Variants in DOC2A observed in about 807,000 individuals in gnomAD.
DOC2A encodes the protein double C2-like domain-containing protein alpha.
In DOC2A, 28 loss-of-function variants were observed where a neutral mutation model predicts 40.6. The ratio of observed to expected loss-of-function variants is 0.69; its 90% CI spans 0.51 to 0.95. The LOEUF (loss-of-function observed/expected upper bound fraction) is 0.95, where lower values mean the gene tolerates loss of function less well. DOC2A is among the 40% of genes least tolerant of loss of function. The pLI, the probability that DOC2A is intolerant of heterozygous loss-of-function variation, is 0.00. For synonymous variants in DOC2A, 241 were observed against 236.9 expected (o/e 1.02, Z -0.16); for missense variants, 474 against 552.5 (o/e 0.86, Z 1.42).
upstream of DOC2A, chr16:30,011,260 G>A: frequency 1.1e-6 from 1 of 940,050 alleles, no homozygotes; most frequent in Non-Finnish European, 1.3e-6. Context: ...ACCCCCGCGC[G>A]CACACGCCCG....
rs1304213718 is a variant in DOC2A at position 30,006,617 on chromosome 16, A to T, written c.939T>A (p.Thr313=). The T allele has an allele frequency of 6.2e-7, 1 of 1,613,192 alleles. No homozygotes were observed. Among genetic ancestry groups the T allele is most frequent in the African/African-American group, 1.3e-5 (1 of 74,564 alleles). ...GTACCTCGTTAAATTCTGGGTTGAG[A>T]GTCTTCTTCTTCACACACGTCTTAT... ...SKHKTCVKKK[T]LNPEFNEEFF... is the part of the protein sequence containing the mutation. Residue 313 remains threonine (T), a synonymous_variant, in exon 9 of 11, where the codon ACT becomes ACA. Transcript: ENST00000350119. The surrounding 1 kb of genome is among the most constrained non-coding windows in gnomAD (Gnocchi z 6.2).
rs1176600621 is a variant in DOC2A, at chr16:30,010,996, G to A, written c.-107C>T. 2 of 993,294 alleles carry A rather than the reference G, an allele frequency of 2.0e-6. No individual in the cohort carries two copies. Among genetic ancestry groups the A allele is most frequent in the East Asian group, 2.3e-4 (2 of 8,878 alleles). 61.5% of individuals were successfully genotyped at this position (993,294 alleles called of 1,614,324 possible). A position where few individuals can be genotyped will look rare whatever the true frequency, so the allele number is the denominator to read the frequency against. ...AGGAGAGCGCGGAGTCGAGCTGTGC[G>A]AGCCGAGAGGGAGGGAGCGCCGAGA... On this transcript the variant is annotated 5_prime_UTR_variant, in exon 1 of 11. Transcript: ENST00000350119. This position sits in a 1 kb window ranked among gnomAD's most constrained non-coding sequence, Gnocchi z 4.2.
Position 30,010,232 on chromosome 16 carries a change from C to T in DOC2A, c.-10G>A, listed in dbSNP as rs1398678245. 4 of 1,613,364 alleles carry T rather than the reference C, an allele frequency of 2.5e-6. No individual in the cohort carries two copies. The highest frequency in any genetic ancestry group is 2.2e-5 in the East Asian group (1 of 44,890). On this transcript the variant is annotated 5_prime_UTR_variant, in exon 2 of 11. Coordinates refer to ENST00000350119, the MANE Select transcript of DOC2A (RefSeq NM_003586.3). The surrounding 1 kb of genome is among the most constrained non-coding windows in gnomAD (Gnocchi z 4.2). ...CCCTGCGGCCCCTCATGCAGCACCC[C>T]TGGCTAGGAGAGGGCGTGTGAGCCA...
chr16:30,010,354 G>T lies in DOC2A; in HGVS notation c.-13-119C>A. 2.1e-6 allele frequency: 3 copies of T among 1,415,142 alleles called. No individual in the cohort carries two copies. The highest frequency in any genetic ancestry group is 9.8e-7 in the Non-Finnish European group (1 of 1,018,626). 87.7% of individuals were successfully genotyped at this position (1,415,142 alleles called of 1,614,324 possible). On this transcript the variant is annotated intron_variant, in intron 1 of 10. Transcript: ENST00000350119. This position sits in a 1 kb window ranked among gnomAD's most constrained non-coding sequence, Gnocchi z 4.2. Reference sequence around the variant, plus strand: ...TGGCCTCCCTTCCTAGGTGTCGAGGGAGAGGGTGGTGTGTGCCAGCCGGTG... The same window carrying T: ...TGGCCTCCCTTCCTAGGTGTCGAGGTAGAGGGTGGTGTGTGCCAGCCGGTG...
At chr16:30,013,108 G>A (rs2150960604), upstream of DOC2A, among the ~76,000 whole-genome samples, 1 of 130,648 alleles carries the variant, frequency 7.7e-6, no homozygotes, top group African/African-American at 3.0e-5. Flanking sequence ...GATCCCTTGA[G>A]CTCAGAAGTT....
Position 30,010,769 on chromosome 16 carries a change from A to G in DOC2A, c.-14+134T>C, listed in dbSNP as rs2070756635. The G allele has an allele frequency of 3.3e-6, 2 of 605,994 alleles. No homozygotes were observed. Among genetic ancestry groups the G allele is most frequent in the Non-Finnish European group, 4.2e-6 (2 of 474,166 alleles). 37.5% of individuals were successfully genotyped at this position (605,994 alleles called of 1,614,324 possible). On this transcript the variant is annotated intron_variant, in intron 1 of 10. Transcript: ENST00000350119. This position sits in a 1 kb window ranked among gnomAD's most constrained non-coding sequence, Gnocchi z 4.2. ...AGCCCACGGTGGAGACCCCAGCCTC[A>G]GATGCCACCTCTGGCTCCTCAGGGG...
rs529282003 is a variant in DOC2A at position 30,010,154 on chromosome 16, G to T, written c.69C>A (p.Pro23=). 7 of 1,613,934 alleles carry T rather than the reference G, an allele frequency of 4.3e-6. No homozygotes were observed. The highest frequency in any genetic ancestry group is 5.9e-6 in the Non-Finnish European group (7 of 1,179,944). ...TCTGGCGGATGGGCCGGATGGGCCCGGGGCACACGTTGATGGCCATGTGCT... is the reference window on the plus strand; with the variant it reads ...TCTGGCGGATGGGCCGGATGGGCCCTGGGCACACGTTGATGGCCATGTGCT... The part of the protein sequence containing the change: ...IQEHMAINVC[P]GPIRPIRQIS... Residue 23 remains proline, a synonymous_variant, in exon 2 of 11, where the codon CCC becomes CCA. Coordinates refer to ENST00000350119, the MANE Select transcript of DOC2A (RefSeq NM_003586.3). The surrounding 1 kb of genome is among the most constrained non-coding windows in gnomAD (Gnocchi z 4.2).
chr16:30,008,908 G>A, intron 5 of DOC2A, 88 bp downstream of exon 5: 4 of 928,880 alleles, frequency 4.3e-6, no homozygotes, highest in Middle Eastern at 3.1e-4. Context: ...AGAGGTACGG[G>A]CTTAATGGGA....
chr16:30,020,979 CAGAT>C (rs745495171), intron 1 of DOC2A, among the ~76,000 whole-genome samples: 6 of 152,124 alleles, frequency 3.9e-5, no homozygotes, highest in Non-Finnish European at 7.4e-5. Context: ...GCCTGGGTGA[CAGAT>C]AGAGCAATAT....
At chr16:30,018,103 CAAAAAA>C (rs34061843) in intron 1 of DOC2A, among the ~76,000 whole-genome samples, 3 of 61,600 alleles carry the variant, frequency 4.9e-5, no homozygotes, top group African/African-American at 1.3e-4. Flanking sequence ...CTATTTCTAC[CAAAAAA>C]AAAAAAAAAA....
chr16:30,011,277 C>T (rs1195143707), upstream of DOC2A: 15 of 967,512 alleles, frequency 1.6e-5, no homozygotes, highest in East Asian at 1.6e-3. Flanking sequence ...CCCGTGCCCA[C>T]GTGTGCACGC....
At chr16:30,018,403 C>T (rs1567288726) in intron 1 of DOC2A, among the ~76,000 whole-genome samples, 1 of 152,140 alleles carries the variant, frequency 6.6e-6, no homozygotes. Flanking sequence ...TCACTTCAAC[C>T]TTGAACTCCT....
Position 30,009,097 on chromosome 16 carries a change from C to G in DOC2A, c.426G>C (p.Lys142Asn). 2 of 1,613,602 alleles carry G rather than the reference C, an allele frequency of 1.2e-6. No homozygotes were observed. The highest frequency in any genetic ancestry group is 1.7e-6 in the Non-Finnish European group (2 of 1,179,730). ...HLLPGACKAN[K>N]LKTKTQRNTL... ...TGTTCCTCTGAGTCTTCGTTTTTAG[C>G]TTATTGGCCTGGGATGTGGGGATGA... Residue 142 changes from lysine (K) to asparagine (N), a missense_variant, in exon 5 of 11, where the codon AAG becomes AAC. Transcript: ENST00000350119. This position sits in a 1 kb window ranked among gnomAD's most constrained non-coding sequence, Gnocchi z 4.1.
At chr16:30,007,142 C>T in intron 6 of DOC2A, 31 bp downstream of exon 6, 4 of 1,613,706 alleles carry the variant, frequency 2.5e-6, no homozygotes, top group Non-Finnish European at 3.4e-6. Flanking sequence ...AGGGCCCCCT[C>T]CCCTGGCGCC....
chr16:30,009,889 C>T lies in DOC2A; in HGVS notation c.262+72G>A. 1.3e-6 allele frequency: 2 copies of T among 1,589,924 alleles called. No homozygotes were observed. On this transcript the variant is annotated intron_variant, in intron 2 of 10. Transcript: ENST00000350119. This position sits in a 1 kb window ranked among gnomAD's most constrained non-coding sequence, Gnocchi z 4.1. ...ACATGCACAGCCAGCAGGGCCCATC[C>T]CCCTCTCCCCCCACCACGGCAAGCC...
Position 30,006,100 on chromosome 16 carries a change from AC to A in DOC2A, c.*85del. 6.8e-7 allele frequency: 1 copy of A among 1,462,716 alleles called. No individual in the cohort carries two copies. 90.6% of individuals were successfully genotyped at this position (1,462,716 alleles called of 1,614,324 possible). ...AGGTAGTGCAGGGTGGGGGCAGCCC[AC>A]CCTGTGTAAACGTGCAACACACTCG... On this transcript the variant is annotated 3_prime_UTR_variant, in exon 11 of 11. Transcript: ENST00000350119. The surrounding 1 kb of genome is among the most constrained non-coding windows in gnomAD (Gnocchi z 6.2).
chr16:30,014,187 T>A (rs559357431), upstream of DOC2A, among the ~76,000 whole-genome samples: 599 of 147,794 alleles, frequency 4.1e-3, 4 homozygotes, highest in Middle Eastern at 0.018. Flanking sequence ...TTTTTTTTTT[T>A]AAATATACAA....
In DOC2A at chr16:30,009,179, GC is replaced by G. The variant is rs1180348081; in HGVS notation, c.417+22del. On this transcript the variant is annotated intron_variant, in intron 4 of 10. Transcript: ENST00000350119. The surrounding 1 kb of genome is among the most constrained non-coding windows in gnomAD (Gnocchi z 4.1). Reference sequence around the variant, plus strand: ...AGGCTGGAGTCATGGGCTGGGCCGGGCGGGGCGAGAGGAGGCTGTTACCTTA... The same window carrying G: ...AGGCTGGAGTCATGGGCTGGGCCGGGGGGGCGAGAGGAGGCTGTTACCTTA... The G allele has an allele frequency of 1.9e-6, 3 of 1,609,158 alleles. No individual in the cohort carries two copies. Among genetic ancestry groups the G allele is most frequent in the African/African-American group, 2.7e-5 (2 of 74,858 alleles).
At position 30,006,898 on chromosome 16, in the gene DOC2A, G is replaced by T. The variant is rs1348346962; in HGVS notation, c.765C>A (p.Ile255=). The change falls in exon 8 of 11, where the codon ATC becomes ATA. Residue 255 remains isoleucine (I), a synonymous_variant. Transcript: ENST00000350119. This position sits in a 1 kb window ranked among gnomAD's most constrained non-coding sequence, Gnocchi z 6.2. ...GCGAGCTGTAGCTGAGACTCAGCAGGATGCGGCCACGCTCCTCCAGCAGCC... is the reference window on the plus strand; with the variant it reads ...GCGAGCTGTAGCTGAGACTCAGCAGTATGCGGCCACGCTCCTCCAGCAGCC... ...GQGLLEERGR[I]LLSLSYSSRR... The T allele has an allele frequency of 1.2e-6, 2 of 1,613,324 alleles. No individual in the cohort carries two copies. Among genetic ancestry groups the T allele is most frequent in the Admixed American group, 3.3e-5 (2 of 59,944 alleles).
Sources: allele counts gnomAD v4.1 joint callset (sites outside exome capture counted in the v4.1 genomes callset), GRCh38; gene constraint gnomAD v4.1.1; non-coding constraint Gnocchi (gnomAD v3.1); transcripts MANE v1.5; gene names NCBI Gene and HGNC (gene_info 2026-07-23, HGNC 2026-07-21).